PCDHGA2: variants seen among roughly 807,000 people sequenced by gnomAD.
The protein encoded by PCDHGA2 is protocadherin gamma subfamily A, 2.
PCDHGA2 carries 40 observed loss-of-function variants against 59.2 expected under a neutral mutation model. The observed-to-expected ratio is 0.68, with a 90% CI of 0.52 to 0.88. The LOEUF is 0.88. Among genes scored for constraint, PCDHGA2 ranks in the 40% least tolerant of loss-of-function variants. The probability of loss-of-function intolerance (pLI) is 0.00; values close to 1 mark genes in which losing one functional copy is unlikely to be tolerated. For missense variants in PCDHGA2, 1,226 were observed against 1,204.0 expected, an observed-to-expected ratio of 1.02 and a Z score of -0.27; for synonymous variants, 560 against 526.0, an observed-to-expected ratio of 1.06 and a Z score of -0.89.
chr5:141,365,925 T>C (rs766503118), intron 1 of PCDHGA2: 3 of 1,614,168 alleles, frequency 1.9e-6, no homozygotes, highest in Non-Finnish European at 2.5e-6. Flanking sequence ...CAGTTGTGGG[T>C]GACAGCCAGC....
chr5:141,426,492 T>C (rs1439487321), intron 1 of PCDHGA2: 2 of 336,712 alleles, frequency 5.9e-6, no homozygotes, highest in African/African-American at 4.3e-5. Context: ...TTAGAGTTAG[T>C]GCAGAGAAAC....
At chr5:141,356,826 CA>C in intron 1 of PCDHGA2, 1 of 1,614,136 alleles carries the variant, frequency 6.2e-7, no homozygotes, top group Non-Finnish European at 8.5e-7. Flanking sequence ...ACCCTCCACT[CA>C]GCAGCAATGT....
At position 141,491,458 on chromosome 5, in the gene PCDHGA2, G is replaced by T. The variant is rs867069360; in HGVS notation, c.2425-3349G>T. 1.9e-6 allele frequency: 3 copies of T among 1,613,974 alleles called. No homozygotes were observed. The highest frequency in any genetic ancestry group is 1.6e-4 in the Middle Eastern group (1 of 6,084). On this transcript the variant is annotated intron_variant, in intron 1 of 3. Coordinates refer to ENST00000394576, the MANE Select transcript of PCDHGA2 (RefSeq NM_018915.4). This position sits in a 1 kb window ranked among gnomAD's most constrained non-coding sequence, Gnocchi z 6.9. ...CAGGCGCCAGGACTCACCCTCCCCGGACTTCTATAAGCAGTCCAGCCCCAA... is the reference window on the plus strand; with the variant it reads ...CAGGCGCCAGGACTCACCCTCCCCGTACTTCTATAAGCAGTCCAGCCCCAA...
rs1257565821 is a variant in PCDHGA2, at chr5:141,487,319, C to G, written c.2425-7488C>G. ...ATTCGTGGCACTACTCTCTAAGTGTCTTCGTGGGGCAGCCTGTGGAGTCAC... is the reference window on the plus strand; with the variant it reads ...ATTCGTGGCACTACTCTCTAAGTGTGTTCGTGGGGCAGCCTGTGGAGTCAC... On this transcript the variant is annotated intron_variant, in intron 1 of 3. Transcript: ENST00000394576. The surrounding 1 kb of genome is among the most constrained non-coding windows in gnomAD (Gnocchi z 5.0). The G allele has an allele frequency of 6.2e-7, 1 of 1,614,052 alleles. No homozygotes were observed. The highest frequency in any genetic ancestry group is 1.3e-5 in the African/African-American group (1 of 74,930).
Position 141,344,263 on chromosome 5 carries a change from T to C in PCDHGA2, c.2424+2868T>C, listed in dbSNP as rs370212057. 4 of 1,613,948 alleles carry C rather than the reference T, an allele frequency of 2.5e-6. No homozygotes were observed. The African/African-American group carries it at 5.3e-5, about 22-fold the overall frequency. ...AGAGGTAGGACGCAGCTTTTCTCTC[T>C]GAATCCGCAAAGCGGCAGCTTGGTC... On this transcript the variant is annotated intron_variant, in intron 1 of 3. Coordinates refer to ENST00000394576, the MANE Select transcript of PCDHGA2 (RefSeq NM_018915.4).
Position 141,511,375 on chromosome 5 carries a change from A to G in PCDHGA2, c.*202A>G. 2 of 1,236,730 alleles carry G rather than the reference A, an allele frequency of 1.6e-6. No individual in the cohort carries two copies. The highest frequency in any genetic ancestry group is 2.2e-6 in the Non-Finnish European group (2 of 912,840). 76.6% of individuals were successfully genotyped at this position (1,236,730 alleles called of 1,614,324 possible). A position where few individuals can be genotyped will look rare whatever the true frequency, so the allele number is the denominator to read the frequency against. On this transcript the variant is annotated 3_prime_UTR_variant, in exon 4 of 4. Coordinates refer to ENST00000394576, the MANE Select transcript of PCDHGA2 (RefSeq NM_018915.4). ...CCCAGGGGGTTGAATATGCAAAAGCAGTTCCGCTGGGAACCCCCATCCAAT... is the reference window on the plus strand; with the variant it reads ...CCCAGGGGGTTGAATATGCAAAAGCGGTTCCGCTGGGAACCCCCATCCAAT...
chr5:141,401,725 T>C lies in PCDHGA2; in HGVS notation c.2424+60330T>C, dbSNP rs2094187242. Among the ~76,000 whole-genome samples the C allele has an allele frequency of 2.0e-5, 3 of 152,322 alleles. No individual in the cohort carries two copies. In the South Asian group the frequency reaches 6.2e-4, roughly 32 times the overall value. ...ATTCCATTTTTAAGACAAAAACTAC[T>C]AGTCTTGTGTACATACAAAGCTCCC... On this transcript the variant is annotated intron_variant, in intron 1 of 3. Coordinates refer to ENST00000394576, the MANE Select transcript of PCDHGA2 (RefSeq NM_018915.4).
intron 1 of PCDHGA2, chr5:141,389,055 A>T: frequency 6.2e-7 from 1 of 1,613,996 alleles, no homozygotes; most frequent in Middle Eastern, 1.6e-4. Flanking sequence ...TGTTCCATTT[A>T]AAATATTAAC....
intron 1 of PCDHGA2, among the ~76,000 whole-genome samples, chr5:141,468,186 A>G (rs2099159540): frequency 6.6e-6 from 1 of 151,848 alleles, no homozygotes; most frequent in African/African-American, 2.4e-5. Context: ...TTTGCTGGGC[A>G]TGGTGGCGGG....
chr5:141,410,119 C>T (rs1306210256), intron 1 of PCDHGA2: 2 of 1,612,822 alleles, frequency 1.2e-6, no homozygotes, highest in Middle Eastern at 1.7e-4. Flanking sequence ...ACGCAGCCCG[C>T]CAGCGCCTGC....
chr5:141,480,102 T>C (rs568342271), intron 1 of PCDHGA2, among the ~76,000 whole-genome samples: 1 of 152,320 alleles, frequency 6.6e-6, no homozygotes, highest in South Asian at 2.1e-4. Flanking sequence ...GCAAAGTGTT[T>C]AGCATGGTGC....
At position 141,403,267 on chromosome 5, in the gene PCDHGA2, C is replaced by T. The variant is rs767670942; in HGVS notation, c.2424+61872C>T. On this transcript the variant is annotated intron_variant, in intron 1 of 3. Transcript: ENST00000394576. ...CTCAGAGCCCGCGGTGTCTGGTGAA[C>T]TTTAAAGTCCTGGTTGAAGACAGAG... is the stretch of plus-strand genomic sequence containing the variant. 4.4e-5 allele frequency: 71 copies of T among 1,613,770 alleles called. No homozygotes were observed. Among genetic ancestry groups the T allele is most frequent in the Non-Finnish European group, 5.8e-5 (69 of 1,179,916 alleles).
At position 141,477,137 on chromosome 5, in the gene PCDHGA2, G is replaced by A; in HGVS notation, c.2425-17670G>A. 1 of 1,614,200 alleles carries A rather than the reference G, an allele frequency of 6.2e-7. No individual in the cohort carries two copies. The highest frequency in any genetic ancestry group is 8.5e-7 in the Non-Finnish European group (1 of 1,180,050). On this transcript the variant is annotated intron_variant, in intron 1 of 3. Coordinates refer to ENST00000394576, the MANE Select transcript of PCDHGA2 (RefSeq NM_018915.4). The surrounding 1 kb of genome is among the most constrained non-coding windows in gnomAD (Gnocchi z 4.9). ...AGGAGCACATTGCAAAGTGTTGGTG[G>A]AGGTTGTGGATGTGAATGACAACGC...
chr5:141,361,356 C>T lies in PCDHGA2; in HGVS notation c.2424+19961C>T, dbSNP rs546446580. The T allele has an allele frequency of 7.4e-6, 12 of 1,613,984 alleles. 1 individual carries two copies. In the Middle Eastern group the frequency reaches 5.0e-4, roughly 67 times the overall value. On this transcript the variant is annotated intron_variant, in intron 1 of 3. Coordinates refer to ENST00000394576, the MANE Select transcript of PCDHGA2 (RefSeq NM_018915.4). ...AGAACTATTACAAACTAGTGACAGA[C>T]GGCGCTCTGGACCGGGAGGAGATCC...
At chr5:141,460,912 GTA>G (rs34683754) in intron 1 of PCDHGA2, among the ~76,000 whole-genome samples, 12 of 149,310 alleles carry the variant, frequency 8.0e-5, no homozygotes, top group African/African-American at 7.4e-5. Flanking sequence ...ATTCCATGGT[GTA>G]TATATATATA....
At chr5:141,362,368 G>A (rs751597172) in intron 1 of PCDHGA2, 1 of 1,613,950 alleles carries the variant, frequency 6.2e-7, no homozygotes, top group Non-Finnish European at 8.5e-7. Context: ...CAATTACAGT[G>A]AGGGTACATT....
rs765754054 is a variant in PCDHGA2 at position 141,503,598 on chromosome 5, CA to C, written c.2484-1779del. Among the ~76,000 whole-genome samples, 277 of 65,728 alleles carry C rather than the reference CA, an allele frequency of 4.2e-3. 2 individuals are homozygous for C. The highest frequency in any genetic ancestry group is 0.012 in the Middle Eastern group (1 of 86). The allele number at this position is 65,728 out of a possible 152,430, so 43.1% of individuals were successfully genotyped here. A position where few individuals can be genotyped will look rare whatever the true frequency, so the allele number is the denominator to read the frequency against. ...TGGGTGACAGAGCGAGACTCCAGCT[CA>C]AAAAAAAAAAAAAAAGAAAAAAGAA... On this transcript the variant is annotated intron_variant, in intron 2 of 3. Coordinates refer to ENST00000394576, the MANE Select transcript of PCDHGA2 (RefSeq NM_018915.4).
chr5:141,468,093 G>C (rs1319825848), intron 1 of PCDHGA2, among the ~76,000 whole-genome samples: 2 of 152,112 alleles, frequency 1.3e-5, no homozygotes, highest in Non-Finnish European at 2.9e-5. Flanking sequence ...GGGAGGTTGA[G>C]GCAGGCAGAT....
At chr5:141,344,856 G>A in intron 1 of PCDHGA2, 1 of 1,613,960 alleles carries the variant, frequency 6.2e-7, no homozygotes. Context: ...GGGATTCAAT[G>A]CTCAAGTGTC....
Sources: allele counts gnomAD v4.1 joint callset (sites outside exome capture counted in the v4.1 genomes callset), GRCh38; gene constraint gnomAD v4.1.1; non-coding constraint Gnocchi (gnomAD v3.1); transcripts MANE v1.5; gene names NCBI Gene and HGNC (gene_info 2026-07-23, HGNC 2026-07-21).